DSCAM: variants seen among roughly 807,000 people sequenced by gnomAD.
DSCAM encodes DS cell adhesion molecule.
A neutral mutation model predicts 217.7 loss-of-function variants in DSCAM; 47 were observed. That is an observed-to-expected ratio of 0.22 (90% CI 0.17 to 0.28). The LOEUF is 0.28. Ranked by LOEUF, DSCAM falls within the 10% of genes least tolerant of loss-of-function variation. The pLI is 1.00. For missense variants in DSCAM, 2,080 were observed against 2,618.3 expected (o/e 0.79, Z 4.49); for synonymous variants, 1,056 against 1,015.3 (o/e 1.04, Z -0.76).
chr21:40,052,312 G>T (rs1324197994), intron 29 of DSCAM, among the ~76,000 whole-genome samples: 1 of 152,208 alleles, frequency 6.6e-6, no homozygotes, highest in Admixed American at 6.5e-5. Flanking sequence ...CTTCCTAGGG[G>T]TTGGCTTTGG....
intron 9 of DSCAM, among the ~76,000 whole-genome samples, chr21:40,296,980 A>G (rs1175797873): frequency 6.6e-6 from 1 of 152,154 alleles, no homozygotes; most frequent in Non-Finnish European, 1.5e-5. Flanking sequence ...GTGAGAAATA[A>G]CAGGCACCTC....
chr21:40,635,601 G>A (rs530875321), intron 3 of DSCAM, among the ~76,000 whole-genome samples: 1 of 152,280 alleles, frequency 6.6e-6, no homozygotes, highest in South Asian at 2.1e-4. Context: ...ATGTGTGTGT[G>A]TCTGATTCGT....
intron 3 of DSCAM, among the ~76,000 whole-genome samples, chr21:40,490,233 A>T (rs576869839): frequency 7.2e-5 from 11 of 152,312 alleles, no homozygotes; most frequent in Non-Finnish European, 1.3e-4. Flanking sequence ...GACACGTGGG[A>T]ATTATGGGAG....
chr21:40,088,591 C>G (rs2089564044), intron 21 of DSCAM, among the ~76,000 whole-genome samples: 1 of 152,198 alleles, frequency 6.6e-6, no homozygotes, highest in Admixed American at 6.5e-5. Flanking sequence ...AGCAATTTCC[C>G]TGGACTGAGA....
At chr21:40,354,202 A>C (rs990247797) in intron 4 of DSCAM, among the ~76,000 whole-genome samples, 29 of 152,350 alleles carry the variant, frequency 1.9e-4, no homozygotes, top group African/African-American at 6.5e-4. Flanking sequence ...AATAGCTAAA[A>C]CAGAAGAATT....
intron 1 of DSCAM, among the ~76,000 whole-genome samples, chr21:40,825,266 T>C (rs1222125774): frequency 7.9e-5 from 11 of 140,062 alleles, no homozygotes; most frequent in East Asian, 4.3e-4. Context: ...ATTTTCTTTC[T>C]TTCCTTCCTT....
chr21:40,533,876 A>AT (rs1256458755), intron 3 of DSCAM, among the ~76,000 whole-genome samples: 2 of 152,220 alleles, frequency 1.3e-5, no homozygotes, highest in African/African-American at 4.8e-5. Context: ...CACTCTCAAT[A>AT]TTCTAGCTTC....
At chr21:40,221,929 A>G (rs1444881219) in intron 11 of DSCAM, among the ~76,000 whole-genome samples, 1 of 152,216 alleles carries the variant, frequency 6.6e-6, no homozygotes, top group African/African-American at 2.4e-5. Context: ...GGTGCTCAAG[A>G]AAAGCTCCAG....
At chr21:40,651,136 G>T (rs1042005897) in intron 3 of DSCAM, among the ~76,000 whole-genome samples, 37 of 152,154 alleles carry the variant, frequency 2.4e-4, no homozygotes, top group African/African-American at 7.7e-4. Flanking sequence ...CTGAAGATTT[G>T]CAGCTCAGGT....
chr21:40,635,850 G>T (rs2089751707), intron 3 of DSCAM, among the ~76,000 whole-genome samples: 2 of 152,098 alleles, frequency 1.3e-5, no homozygotes, highest in South Asian at 4.1e-4. Context: ...CAAGTCAAAA[G>T]AATTAATCTA....
intron 11 of DSCAM, among the ~76,000 whole-genome samples, chr21:40,267,103 A>T (rs1016839011): frequency 9.9e-5 from 15 of 152,006 alleles, no homozygotes; most frequent in South Asian, 2.1e-4. Flanking sequence ...TGATAGGTGC[A>T]TTAAAATCCT....
chr21:40,297,909 T>C (rs2073972735), intron 9 of DSCAM, among the ~76,000 whole-genome samples: 1 of 152,116 alleles, frequency 6.6e-6, no homozygotes, highest in African/African-American at 2.4e-5. Flanking sequence ...AACTGTAAAA[T>C]GGCTCTTGGT....
chr21:40,467,024 T>A (rs2075850925), intron 3 of DSCAM, among the ~76,000 whole-genome samples: 2 of 152,224 alleles, frequency 1.3e-5, no homozygotes, highest in Non-Finnish European at 1.5e-5. Context: ...TTAAAATAAC[T>A]AGATCTTGAG....
Position 40,739,954 on chromosome 21 carries a change from ATTTTTTTTTTTTTTTT to A in DSCAM, c.44-31199_44-31184del, listed in dbSNP as rs56815777. 3.8e-3 allele frequency among the ~76,000 whole-genome samples: 222 copies of A among 58,998 alleles called. 5 individuals carry two copies. The South Asian group carries it at 0.086, about 23-fold the overall frequency. The allele number at this position is 58,998 out of a possible 152,430, so 38.7% of individuals were successfully genotyped here. Reference sequence around the variant, plus strand: ...GCCACCTCTAGATGATGCAGGTGTAATTTTTTTTTTTTTTTTTTTTTTTTTTTTTTTTGCCAACATT... The same window carrying A: ...GCCACCTCTAGATGATGCAGGTGTAATTTTTTTTTTTTTTTTGCCAACATT... On this transcript the variant is annotated intron_variant, in intron 1 of 32. Coordinates refer to ENST00000400454, the MANE Select transcript of DSCAM (RefSeq NM_001389.5).
chr21:40,044,413 G>C (rs1259012863), intron 30 of DSCAM, 138 bp from the exon 31 acceptor site: 7 of 772,298 alleles, frequency 9.1e-6, no homozygotes, highest in African/African-American at 1.8e-5. Flanking sequence ...GACTTCTCCT[G>C]TGCAGAGGAT....
chr21:40,648,662 G>A (rs778155814), intron 3 of DSCAM, among the ~76,000 whole-genome samples: 1 of 151,998 alleles, frequency 6.6e-6, no homozygotes, highest in Non-Finnish European at 1.5e-5. Context: ...TTTGAGTGGT[G>A]TCTTCATTTT....
intron 3 of DSCAM, among the ~76,000 whole-genome samples, chr21:40,411,630 T>C (rs1427864856): frequency 3.3e-5 from 5 of 152,180 alleles, no homozygotes; most frequent in Non-Finnish European, 5.9e-5. Context: ...ACATAAGTTA[T>C]AATAGCTAAA....
chr21:40,705,767 G>A (rs979105603), intron 2 of DSCAM, among the ~76,000 whole-genome samples: 1 of 152,192 alleles, frequency 6.6e-6, no homozygotes, highest in African/African-American at 2.4e-5. Context: ...AGATTTGGGT[G>A]CGGACATAGA....
chr21:40,485,603 T>C (rs1305981966), intron 3 of DSCAM, among the ~76,000 whole-genome samples: 4 of 152,172 alleles, frequency 2.6e-5, no homozygotes, highest in Admixed American at 1.3e-4. Context: ...TCAGTAGTTT[T>C]TGAATCCACC....
Sources: allele counts gnomAD v4.1 joint callset (sites outside exome capture counted in the v4.1 genomes callset), GRCh38; gene constraint gnomAD v4.1.1; transcripts MANE v1.5; gene names NCBI Gene and HGNC (gene_info 2026-07-23, HGNC 2026-07-21).